The following STPG2 variants were observed in gnomAD, a reference collection of about 807,000 sequenced individuals.
The protein encoded by STPG2 is sperm-tail PG-rich repeat-containing protein 2.
In STPG2, 56 loss-of-function variants were observed where a neutral mutation model predicts 54.2. The ratio of observed to expected loss-of-function variants is 1.03; its 90% CI spans 0.83 to 1.29. The LOEUF (loss-of-function observed/expected upper bound fraction) is 1.29, where lower values mean the gene tolerates loss of function less well. Ranked by LOEUF, STPG2 falls within the 50% of genes most tolerant of loss-of-function variation. The pLI is 0.00. For synonymous variants in STPG2, 200 were observed against 181.8 expected (o/e 1.10, Z -0.81); for missense variants, 596 against 544.9 (o/e 1.09, Z -0.93).
chr4:98,057,352 G>C (rs965135564), intron 5 of STPG2, among the ~76,000 whole-genome samples: 1 of 152,170 alleles, frequency 6.6e-6, no homozygotes, highest in African/African-American at 2.4e-5. Flanking sequence ...AGCCAGTATA[G>C]AGAAGAACAT....
chr4:97,739,654 A>G (rs545078761), intron 9 of STPG2, among the ~76,000 whole-genome samples: 172 of 152,346 alleles, frequency 1.1e-3, no homozygotes, highest in African/African-American at 3.8e-3. Flanking sequence ...CCCTCCCTAG[A>G]GTAAACCAGG....
At chr4:97,498,855 C>T (rs919367049) in intron 4 of STPG2, among the ~76,000 whole-genome samples, 2 of 151,866 alleles carry the variant, frequency 1.3e-5, no homozygotes, top group Non-Finnish European at 2.9e-5. Context: ...CAACAAAACT[C>T]ACAAGCACAA....
chr4:97,750,392 A>G (rs148322014), intron 9 of STPG2, among the ~76,000 whole-genome samples: 39 of 151,928 alleles, frequency 2.6e-4, no homozygotes, highest in African/African-American at 8.9e-4. Flanking sequence ...GATGCTTGCC[A>G]TATATTATCT....
At chr4:98,099,895 T>C (rs1248739079) in intron 5 of STPG2, among the ~76,000 whole-genome samples, 1 of 151,838 alleles carries the variant, frequency 6.6e-6, no homozygotes, top group Non-Finnish European at 1.5e-5. Flanking sequence ...ACTACAAGAG[T>C]ATAATTGGAT....
At chr4:97,613,660 A>AG (rs1332492258) in intron 10 of STPG2, among the ~76,000 whole-genome samples, 4 of 151,940 alleles carry the variant, frequency 2.6e-5, no homozygotes, top group Non-Finnish European at 5.9e-5. Flanking sequence ...TAAATCATTA[A>AG]TTTGTGTCAG....
chr4:97,848,781 C>G (rs939031474), intron 8 of STPG2, among the ~76,000 whole-genome samples: 4 of 150,732 alleles, frequency 2.7e-5, no homozygotes, highest in Non-Finnish European at 1.5e-5. Flanking sequence ...GCTTGTTTTT[C>G]TCAGGTTTGT....
At chr4:97,587,308 T>C (rs1733025134) in intron 10 of STPG2, among the ~76,000 whole-genome samples, 1 of 151,982 alleles carries the variant, frequency 6.6e-6, no homozygotes, top group Non-Finnish European at 1.5e-5. Flanking sequence ...GAAATTATAT[T>C]GTTTATAATT....
intron 10 of STPG2, among the ~76,000 whole-genome samples, chr4:97,583,857 G>A (rs940372622): frequency 7.3e-5 from 11 of 151,700 alleles, no homozygotes; most frequent in Middle Eastern, 3.4e-3. Context: ...ACCTAACATG[G>A]GAGCTCCCAA....
Position 98,029,450 on chromosome 4 carries a change from C to T in STPG2, c.613-48132G>A, listed in dbSNP as rs976150064. On this transcript the variant is annotated intron_variant, in intron 5 of 10. Coordinates refer to ENST00000295268, the MANE Select transcript of STPG2 (RefSeq NM_174952.3). ...ATATCCCTCTTTATCTCTAGTAATA[C>T]TCTTTATTCTTATATGTATTTTATC... Among the ~76,000 whole-genome samples the T allele has an allele frequency of 1.1e-4, 17 of 152,078 alleles. 3 individuals carry two copies. The highest frequency in any genetic ancestry group is 7.2e-4 in the Admixed American group (11 of 15,258).
intron 8 of STPG2, among the ~76,000 whole-genome samples, chr4:97,943,084 T>C (rs1733051841): frequency 6.6e-6 from 1 of 152,132 alleles, no homozygotes; most frequent in Admixed American, 6.6e-5. Context: ...GGAGAGGCCC[T>C]GCTTCCTCAT....
intron 10 of STPG2, among the ~76,000 whole-genome samples, chr4:97,611,275 G>A (rs897132766): frequency 6.6e-6 from 1 of 151,306 alleles, no homozygotes; most frequent in Non-Finnish European, 1.5e-5. Flanking sequence ...TAACCTCATG[G>A]AAATTGCAAA....
chr4:97,737,589 T>C (rs1725053932), intron 9 of STPG2, among the ~76,000 whole-genome samples: 1 of 152,078 alleles, frequency 6.6e-6, no homozygotes. Context: ...GCTGATGTGA[T>C]CAACTGGAAG....
chr4:97,922,531 G>A (rs1233212749), intron 8 of STPG2, among the ~76,000 whole-genome samples: 2 of 152,170 alleles, frequency 1.3e-5, no homozygotes, highest in Non-Finnish European at 2.9e-5. Flanking sequence ...AAAAAAAGTT[G>A]TTTGTAGTGC....
chr4:97,541,845 A>C (rs1186639719), intron 4 of STPG2, among the ~76,000 whole-genome samples: 2 of 152,218 alleles, frequency 1.3e-5, no homozygotes, highest in African/African-American at 2.4e-5. Context: ...ATCTTTGACA[A>C]ATCTGACAAA....
At chr4:97,808,348 G>A (rs981153003) in intron 9 of STPG2, among the ~76,000 whole-genome samples, 11 of 151,888 alleles carry the variant, frequency 7.2e-5, no homozygotes, top group African/African-American at 2.4e-4. Context: ...AAATTAAAAT[G>A]TTATAGTGTT....
intron 9 of STPG2, among the ~76,000 whole-genome samples, chr4:97,805,902 T>A (rs555842643): frequency 6.6e-6 from 1 of 151,432 alleles, no homozygotes; most frequent in Admixed American, 6.6e-5. Flanking sequence ...ACATTGTTAG[T>A]AGGAATGTAA....
intron 7 of STPG2, among the ~76,000 whole-genome samples, chr4:97,971,936 C>G (rs902614087): frequency 6.6e-6 from 1 of 152,246 alleles, no homozygotes; most frequent in Non-Finnish European, 1.5e-5. Context: ...GTCTTTACTT[C>G]TCTATATTAA....
At chr4:98,088,675 A>G (rs1253627984) in intron 5 of STPG2, among the ~76,000 whole-genome samples, 1 of 129,362 alleles carries the variant, frequency 7.7e-6, no homozygotes, top group Admixed American at 9.0e-5. Flanking sequence ...TTTAGGGGAA[A>G]AAAAAAAAAA....
At chr4:97,984,369 T>C (rs1734767612) in intron 5 of STPG2, among the ~76,000 whole-genome samples, 1 of 152,168 alleles carries the variant, frequency 6.6e-6, no homozygotes, top group Non-Finnish European at 1.5e-5. Context: ...CGTCTCAAAC[T>C]GCTGACCTCA....
Sources: allele counts gnomAD v4.1 joint callset (sites outside exome capture counted in the v4.1 genomes callset), GRCh38; gene constraint gnomAD v4.1.1; transcripts MANE v1.5; gene names NCBI Gene and HGNC (gene_info 2026-07-23, HGNC 2026-07-21).